Variants in ADGRG2 observed in about 807,000 individuals in gnomAD.
ADGRG2 encodes G protein-coupled receptor 64.
Under a neutral mutation model 74.1 loss-of-function variants are expected in ADGRG2, and 26 were observed. That is an observed-to-expected ratio of 0.35 (90% CI 0.26 to 0.49). ADGRG2 has a LOEUF of 0.49. ADGRG2 is among the 20% of genes least tolerant of loss of function. The pLI, the probability that ADGRG2 is intolerant of heterozygous loss-of-function variation, is 0.99. For missense variants in ADGRG2, 619 were observed against 763.1 expected (o/e 0.81, Z 2.22); for synonymous variants, 296 against 295.2 (o/e 1.00, Z -0.03).
At chrX:19,049,239 C>A (rs1371478703) in intron 3 of ADGRG2, among the ~76,000 whole-genome samples, 1 of 111,892 alleles carries the variant, frequency 8.9e-6, no homozygotes, top group Non-Finnish European at 1.9e-5. Context: ...CTATTTCAAA[C>A]TGCAACACTT....
chrX:19,028,542 C>A (rs1490930663), intron 9 of ADGRG2, among the ~76,000 whole-genome samples: 1 of 111,015 alleles, frequency 9.0e-6, no homozygotes, highest in Admixed American at 9.6e-5. Context: ...ACGTGGTGTG[C>A]ACTTCATAAT....
At chrX:18,994,055 T>C (rs753351821) in intron 28 of ADGRG2, among the ~76,000 whole-genome samples, 4 of 112,548 alleles carry the variant, frequency 3.6e-5, no homozygotes, top group African/African-American at 9.7e-5. Flanking sequence ...TGTTCAGATA[T>C]TGGTCACATA....
chrX:19,051,063 A>G (rs1163119970), intron 3 of ADGRG2, among the ~76,000 whole-genome samples: 2 of 111,885 alleles, frequency 1.8e-5, no homozygotes, highest in Non-Finnish European at 3.8e-5. Context: ...TCCATGTCGC[A>G]CATGGTGCCC....
intron 2 of ADGRG2, among the ~76,000 whole-genome samples, chrX:19,080,081 T>C (rs1182182777): frequency 2.7e-5 from 3 of 110,314 alleles, no homozygotes; most frequent in African/African-American, 9.9e-5. Flanking sequence ...GGCTAATTTT[T>C]GTATTTTTAG....
intron 1 of ADGRG2, among the ~76,000 whole-genome samples, chrX:19,113,781 C>T (rs893656865): frequency 1.8e-5 from 2 of 111,890 alleles, no homozygotes; most frequent in Admixed American, 1.9e-4. Context: ...CCAAATAAAA[C>T]GTTAAGGCCG....
intron 1 of ADGRG2, among the ~76,000 whole-genome samples, chrX:19,117,944 A>G (rs73636698): frequency 0.14 from 14,148 of 102,094 alleles, 844 homozygotes; most frequent in African/African-American, 0.23. Context: ...TTTCAATGGG[A>G]AAAAAAAAAA....
At chrX:19,093,176 A>G (rs1015681630) in intron 1 of ADGRG2, among the ~76,000 whole-genome samples, 1 of 112,185 alleles carries the variant, frequency 8.9e-6, no homozygotes, top group African/African-American at 3.2e-5. Flanking sequence ...GGCCACACTC[A>G]GCACCTCCAC....
At chrX:19,053,770 T>A (rs1434494807) in intron 3 of ADGRG2, among the ~76,000 whole-genome samples, 1 of 111,955 alleles carries the variant, frequency 8.9e-6, no homozygotes, top group Non-Finnish European at 1.9e-5. Context: ...CTGGGTAATT[T>A]ATAAAGGAAA....
At chrX:19,080,296 C>T (rs1290339327) in intron 2 of ADGRG2, among the ~76,000 whole-genome samples, 2 of 111,390 alleles carry the variant, frequency 1.8e-5, no homozygotes, top group Non-Finnish European at 3.8e-5. Context: ...TCTTGATTAG[C>T]CATGTGTGAA....
intron 1 of ADGRG2, among the ~76,000 whole-genome samples, chrX:19,087,445 G>A (rs2061952053): frequency 8.9e-6 from 1 of 112,157 alleles, no homozygotes; most frequent in African/African-American, 3.2e-5. Flanking sequence ...CCAGTGTGGG[G>A]AAATGGATCC....
chrX:19,013,943 T>C lies in ADGRG2; in HGVS notation c.842A>G (p.Glu281Gly), dbSNP rs1382561310. Residue 281 changes from glutamate (E) to glycine (G), a missense_variant, in exon 16 of 29, where the codon GAG becomes GGG. Physicochemically the swap from Glu to Gly is moderately conservative, Grantham distance 98. Around this residue, in one of 3 missense-constraint regions of ADGRG2, gnomAD observed 292 missense variants for 318.0 expected, o/e 0.92. Transcript: ENST00000379869. ...GGTCACAGGTGAATAATCTGGAGGC[T>C]CAGCAAAAGAGGTAGCTTTGGGGAC... ...SQVPKATSFA[E>G]PPDYSPVTHN... 1 of 1,208,323 alleles carries C rather than the reference T, an allele frequency of 8.3e-7. No individual in the cohort carries two copies. The highest frequency in any genetic ancestry group is 1.1e-6 in the Non-Finnish European group (1 of 894,768).
intron 3 of ADGRG2, among the ~76,000 whole-genome samples, chrX:19,065,367 T>C (rs1297756807): frequency 1.8e-5 from 2 of 108,437 alleles, no homozygotes; most frequent in East Asian, 5.7e-4. Context: ...TTACTGGGCG[T>C]TCTGAGAGAC....
At chrX:19,075,990 G>A (rs957692644) in intron 2 of ADGRG2, among the ~76,000 whole-genome samples, 3 of 112,219 alleles carry the variant, frequency 2.7e-5, no homozygotes, top group Non-Finnish European at 5.6e-5. Context: ...ACATTTCTAA[G>A]ATACAGATCA....
chrX:18,998,328 T>C (rs1418343338), intron 26 of ADGRG2, among the ~76,000 whole-genome samples: 1 of 111,503 alleles, frequency 9.0e-6, no homozygotes, highest in Admixed American at 9.6e-5. Context: ...TACAAAAGTT[T>C]TTTTTTTTAA....
chrX:19,031,095 G>C (rs957423939), intron 8 of ADGRG2, 58 bp from the exon 9 acceptor site: 9 of 802,826 alleles, frequency 1.1e-5, no homozygotes, highest in Non-Finnish European at 1.3e-5. Context: ...TTTATGTGCT[G>C]CATTGTCAAG....
intron 3 of ADGRG2, among the ~76,000 whole-genome samples, chrX:19,061,818 G>A (rs752565732): frequency 1.4e-4 from 16 of 112,004 alleles, no homozygotes; most frequent in African/African-American, 3.9e-4. Flanking sequence ...TGAGAATGGC[G>A]TGCTAGGGCC....
chrX:19,107,756 T>C (rs1227148822), intron 1 of ADGRG2, among the ~76,000 whole-genome samples: 3 of 107,835 alleles, frequency 2.8e-5, no homozygotes, highest in African/African-American at 1.0e-4. Flanking sequence ...TGATATGATA[T>C]AGGTAGTTGG....
At chrX:19,012,446 C>A (rs891656705) in intron 16 of ADGRG2, among the ~76,000 whole-genome samples, 4 of 110,226 alleles carry the variant, frequency 3.6e-5, no homozygotes, top group African/African-American at 1.3e-4. Context: ...TTGGACCTTC[C>A]TTTGACTACA....
At chrX:19,054,731 A>C (rs1051098527) in intron 3 of ADGRG2, among the ~76,000 whole-genome samples, 1 of 112,083 alleles carries the variant, frequency 8.9e-6, no homozygotes, top group Admixed American at 9.5e-5. Flanking sequence ...GACCAACTAC[A>C]TTTCCCAAAA....
Sources: gnomAD v4.1 joint callset for allele counts (sites outside exome capture counted in the v4.1 genomes callset) on GRCh38, gnomAD v4.1.1 for gene constraint, gnomAD v4.1.1 regional missense constraint, MANE v1.5 for transcripts, NCBI Gene and HGNC (gene_info 2026-07-23, HGNC 2026-07-21) for gene names.